Variants in TMEM163 observed in about 807,000 individuals in gnomAD.
TMEM163 encodes the protein transmembrane protein 163.
TMEM163 carries 17 observed loss-of-function variants against 29.3 expected under a neutral mutation model. That is an observed-to-expected ratio of 0.58 (90% CI 0.40 to 0.87). The LOEUF is 0.87. Ranked by LOEUF, TMEM163 falls within the 40% of genes least tolerant of loss-of-function variation. The pLI, the probability that TMEM163 is intolerant of heterozygous loss-of-function variation, is 0.00. For synonymous variants in TMEM163, 157 were observed against 160.6 expected, an observed-to-expected ratio of 0.98 and a Z score of 0.17; for missense variants, 303 against 381.5, an observed-to-expected ratio of 0.79 and a Z score of 1.71.
chr2:134,717,330 C>G (rs559849616), intron 1 of TMEM163, among the ~76,000 whole-genome samples: 1 of 152,148 alleles, frequency 6.6e-6, no homozygotes, highest in Non-Finnish European at 1.5e-5. Flanking sequence ...GTTCCATGCT[C>G]GTGATGTCCC....
intron 7 of TMEM163, 134 bp downstream of exon 7, chr2:134,457,898 A>G: frequency 7.1e-7 from 1 of 1,409,812 alleles, no homozygotes. Flanking sequence ...GTCACCTGAC[A>G]CTGGTCAGGC....
At chr2:134,671,728 A>G (rs1684000933) in intron 2 of TMEM163, among the ~76,000 whole-genome samples, 1 of 152,220 alleles carries the variant, frequency 6.6e-6, no homozygotes, top group African/African-American at 2.4e-5. Flanking sequence ...GAGCATGAAT[A>G]TGGGCCACAG....
intron 4 of TMEM163, among the ~76,000 whole-genome samples, chr2:134,524,774 G>T (rs1053952110): frequency 6.7e-6 from 1 of 150,342 alleles, no homozygotes. Flanking sequence ...TATCATTGAT[G>T]GGCATTTGGG....
chr2:134,650,530 TTG>T (rs201802817), intron 2 of TMEM163, among the ~76,000 whole-genome samples: 71,511 of 137,130 alleles, frequency 0.52, 19,732 homozygotes, highest in Non-Finnish European at 0.56. Context: ...GTTTGTTTGT[TTG>T]TTTTGTTTTT....
At chr2:134,547,986 G>A (rs1022777271) in intron 4 of TMEM163, among the ~76,000 whole-genome samples, 8 of 152,088 alleles carry the variant, frequency 5.3e-5, no homozygotes, top group African/African-American at 9.7e-5. Context: ...TAACATGTAC[G>A]AAACTCATTT....
intron 2 of TMEM163, among the ~76,000 whole-genome samples, chr2:134,618,589 T>C (rs1481488703): frequency 6.6e-6 from 1 of 152,116 alleles, no homozygotes; most frequent in Non-Finnish European, 1.5e-5. Flanking sequence ...AGCAAGATTA[T>C]TTTCAGATGC....
intron 5 of TMEM163, among the ~76,000 whole-genome samples, chr2:134,470,356 C>CAAA (rs35003964): frequency 7.7e-5 from 7 of 91,330 alleles, no homozygotes; most frequent in Admixed American, 1.1e-4. Context: ...GACTCCGTCT[C>CAAA]AAAAAAAAAA....
intron 2 of TMEM163, among the ~76,000 whole-genome samples, chr2:134,571,534 A>T (rs1027802153): frequency 6.6e-6 from 1 of 152,204 alleles, no homozygotes; most frequent in African/African-American, 2.4e-5. Flanking sequence ...GAGTACCTAT[A>T]TTAGGGGTCC....
chr2:134,483,323 C>G (rs991321070), intron 5 of TMEM163, among the ~76,000 whole-genome samples: 5 of 152,106 alleles, frequency 3.3e-5, no homozygotes, highest in Admixed American at 3.3e-4. Flanking sequence ...AAGGACCAAG[C>G]ACAACATCCC....
intron 4 of TMEM163, among the ~76,000 whole-genome samples, chr2:134,543,071 A>G (rs975049294): frequency 1.4e-4 from 21 of 152,198 alleles, no homozygotes; most frequent in African/African-American, 4.8e-4. Context: ...ATTCTTCCGT[A>G]CTGGGGGACA....
chr2:134,688,093 C>A (rs1282993808), intron 2 of TMEM163, among the ~76,000 whole-genome samples: 1 of 152,160 alleles, frequency 6.6e-6, no homozygotes, highest in Non-Finnish European at 1.5e-5. Flanking sequence ...CTTCTGGCTG[C>A]GCAGCAAGCT....
At chr2:134,485,852 G>A (rs986821586) in intron 5 of TMEM163, among the ~76,000 whole-genome samples, 3 of 152,100 alleles carry the variant, frequency 2.0e-5, no homozygotes, top group Admixed American at 1.3e-4. Context: ...GAAAGCAAGA[G>A]CACAAGTAAA....
intron 5 of TMEM163, among the ~76,000 whole-genome samples, chr2:134,487,298 C>G (rs1040438987): frequency 2.6e-5 from 4 of 152,170 alleles, no homozygotes; most frequent in Non-Finnish European, 4.4e-5. Context: ...GTATCATTAG[C>G]TTTCTTATGC....
chr2:134,590,217 T>C (rs1355940633), intron 2 of TMEM163, among the ~76,000 whole-genome samples: 1 of 152,084 alleles, frequency 6.6e-6, no homozygotes, highest in East Asian at 1.9e-4. Context: ...AAGGATCTAG[T>C]ACAGAAACAG....
chr2:134,482,252 G>A (rs910108347), intron 5 of TMEM163, among the ~76,000 whole-genome samples: 12 of 152,136 alleles, frequency 7.9e-5, no homozygotes, highest in African/African-American at 2.9e-4. Context: ...ATGCTTTTCT[G>A]CAGGGCCAGT....
At chr2:134,694,798 T>C (rs1684543096) in intron 2 of TMEM163, among the ~76,000 whole-genome samples, 2 of 152,216 alleles carry the variant, frequency 1.3e-5, no homozygotes, top group Non-Finnish European at 2.9e-5. Flanking sequence ...AAATGTACTT[T>C]ATCAAATGAA....
At position 134,460,148 on chromosome 2, in the gene TMEM163, A is replaced by G. The variant is rs989398928; in HGVS notation, c.668-1975T>C. Among the ~76,000 whole-genome samples the G allele has an allele frequency of 8.1e-6, 1 of 123,166 alleles. No individual in the cohort carries two copies. The highest frequency in any genetic ancestry group is 1.7e-5 in the Non-Finnish European group (1 of 60,552). 80.8% of individuals were successfully genotyped at this position (123,166 alleles called of 152,430 possible). Reference sequence around the variant, plus strand: ...CCTGGCCACCTGTGGCCCTCCCTGTACCCCGCCACAGCCAGAGGGACCCTC... The same window carrying G: ...CCTGGCCACCTGTGGCCCTCCCTGTGCCCCGCCACAGCCAGAGGGACCCTC... On this transcript the variant is annotated intron_variant, in intron 6 of 7. Transcript: ENST00000281924. The surrounding 1 kb of genome is among the most constrained non-coding windows in gnomAD (Gnocchi z 4.3).
chr2:134,478,728 C>A (rs1470406128), intron 5 of TMEM163, among the ~76,000 whole-genome samples: 1 of 152,128 alleles, frequency 6.6e-6, no homozygotes, highest in African/African-American at 2.4e-5. Flanking sequence ...ATCCAAGCAG[C>A]CTGTGGAGCA....
Position 134,713,210 on chromosome 2 carries a change from C to G in TMEM163, c.312G>C (p.Val104=). Reference sequence around the variant, plus strand: ...ACCCTTGATACTCACTAAAGGCAGCCACCGCGAGGGCCAGGGTGACAATGA... The same window carrying G: ...ACCCTTGATACTCACTAAAGGCAGCGACCGCGAGGGCCAGGGTGACAATGA... ...FSIIVTLALA[V]AAFTVSVMRY... The change falls in exon 2 of 8, where the codon GTG becomes GTC. Residue 104 remains valine, a synonymous_variant. Coordinates refer to ENST00000281924, the MANE Select transcript of TMEM163 (RefSeq NM_030923.5). 6.2e-7 allele frequency: 1 copy of G among 1,613,962 alleles called. No homozygotes were observed. The highest frequency in any genetic ancestry group is 1.1e-5 in the South Asian group (1 of 91,066).
Sources: allele counts gnomAD v4.1 joint callset (sites outside exome capture counted in the v4.1 genomes callset), GRCh38; gene constraint gnomAD v4.1.1; non-coding constraint Gnocchi (gnomAD v3.1); transcripts MANE v1.5; gene names NCBI Gene and HGNC (gene_info 2026-07-23, HGNC 2026-07-21).